ETF1: variants seen among roughly 807,000 people sequenced by gnomAD.
ETF1 encodes eukaryotic peptide chain release factor subunit 1.
A neutral mutation model predicts 55.1 loss-of-function variants in ETF1; 4 were observed. The ratio of observed to expected loss-of-function variants is 0.07; its 90% CI spans 0.04 to 0.17. The LOEUF is 0.17. Ranked by LOEUF, ETF1 falls within the 10% of genes least tolerant of loss-of-function variation. The probability of loss-of-function intolerance (pLI) is 1.00; values close to 1 mark genes in which losing one functional copy is unlikely to be tolerated. For synonymous variants in ETF1, 157 were observed against 182.3 expected, an observed-to-expected ratio of 0.86 and a Z score of 1.12; for missense variants, 142 against 523.6, an observed-to-expected ratio of 0.27 and a Z score of 7.11.
In ETF1 at chr5:138,542,912, C is replaced by G; in HGVS notation, c.7G>C (p.Asp3His). 8 of 1,613,708 alleles carry G rather than the reference C, an allele frequency of 5.0e-6. No individual in the cohort carries two copies. The highest frequency in any genetic ancestry group is 6.8e-6 in the Non-Finnish European group (8 of 1,179,898). The change falls in exon 2 of 11, where the codon GAC becomes CAC. Residue 3 changes from aspartate (D) to histidine (H), a missense_variant. Transcript: ENST00000360541. ...TTCCTGTCGGCAGCACTGGGGTCGTCCGCCATCTTCTCGCCTCCTCCTCCC... is the reference window on the plus strand; with the variant it reads ...TTCCTGTCGGCAGCACTGGGGTCGTGCGCCATCTTCTCGCCTCCTCCTCCC... Reference protein sequence around the residue: MADDPSAADRNVE... With the variant: MAHDPSAADRNVE...
chr5:138,512,622 T>C (rs1764865170), intron 6 of ETF1, 142 bp downstream of exon 6: 2 of 613,670 alleles, frequency 3.3e-6, no homozygotes, highest in Non-Finnish European at 5.3e-6. Flanking sequence ...CTGATAAACA[T>C]CTGTAAACCT....
intron 6 of ETF1, chr5:138,512,020 G>A (rs35257420): frequency 0.15 from 47,296 of 307,906 alleles, 4,244 homozygotes; most frequent in South Asian, 0.26. Context: ...GCAACATGGT[G>A]AAACCCTGTC....
At chr5:138,508,850 G>T (rs371640862) in intron 9 of ETF1, 34 bp from the exon 10 acceptor site, 1 of 1,605,048 alleles carries the variant, frequency 6.2e-7, no homozygotes, top group Admixed American at 1.7e-5. Context: ...AAAAATGGGG[G>T]ATTAGGATAT....
At chr5:138,529,172 A>C (rs1765595315) in intron 2 of ETF1, among the ~76,000 whole-genome samples, 1 of 151,304 alleles carries the variant, frequency 6.6e-6, no homozygotes, top group South Asian at 2.1e-4. Context: ...CCAAACAAAC[A>C]AACAAACAAA....
chr5:138,533,246 A>T (rs1765776806), intron 2 of ETF1, among the ~76,000 whole-genome samples: 1 of 151,868 alleles, frequency 6.6e-6, no homozygotes, highest in African/African-American at 2.4e-5. Flanking sequence ...AGTGTATATA[A>T]GCATCCTGAG....
rs202025173 is a variant in ETF1 at position 138,508,718 on chromosome 5, A to G, written c.1182T>C (p.Asp394=). Residue 394 remains aspartate (D), a synonymous_variant, in exon 10 of 11, where the codon GAT becomes GAC. Transcript: ENST00000360541. ...CAAACTGAGACCCTTCTTGTGATTT[A>G]TCTGTGACAATTTCCAACGTAGCTC... is the stretch of plus-strand genomic sequence containing the variant. ...KFGATLEIVT[D]KSQEGSQFVK... 2 of 1,613,328 alleles carry G rather than the reference A, an allele frequency of 1.2e-6. No individual in the cohort carries two copies. Among genetic ancestry groups the G allele is most frequent in the East Asian group, 2.2e-5 (1 of 44,888 alleles).
intron 2 of ETF1, among the ~76,000 whole-genome samples, chr5:138,524,190 CA>C (rs112748888): frequency 0.016 from 1,206 of 74,214 alleles, 14 homozygotes; most frequent in African/African-American, 0.049. Flanking sequence ...GACTCTGTCT[CA>C]AAAAAAAAAA....
At chr5:138,525,809 G>A (rs978061963) in intron 2 of ETF1, among the ~76,000 whole-genome samples, 20 of 151,992 alleles carry the variant, frequency 1.3e-4, no homozygotes, top group African/African-American at 4.6e-4. Context: ...AGCTGGGTGT[G>A]GTGGCACACG....
rs1764601119 is a variant in ETF1 at position 138,507,527 on chromosome 5, A to G, written c.*778T>C. The G allele has an allele frequency of 6.6e-6, 1 of 152,638 alleles. No individual in the cohort carries two copies. The highest frequency in any genetic ancestry group is 1.5e-5 in the Non-Finnish European group (1 of 68,044). 9.5% of individuals were successfully genotyped at this position (152,638 alleles called of 1,614,324 possible). ...TATCCATCCCAAACCGGTTTCGAGTAGGTTAAGGTTATAGGGACCCTTGTC... is the reference window on the plus strand; with the variant it reads ...TATCCATCCCAAACCGGTTTCGAGTGGGTTAAGGTTATAGGGACCCTTGTC... On this transcript the variant is annotated 3_prime_UTR_variant, in exon 11 of 11. Transcript: ENST00000360541.
intron 4 of ETF1, among the ~76,000 whole-genome samples, chr5:138,515,171 T>C (rs899141531): frequency 6.6e-6 from 1 of 152,186 alleles, no homozygotes; most frequent in Non-Finnish European, 1.5e-5. Flanking sequence ...GGCTCATGCC[T>C]GCAATGGCAC....
intron 2 of ETF1, among the ~76,000 whole-genome samples, chr5:138,522,304 AC>A (rs1180896743): frequency 6.6e-6 from 1 of 152,214 alleles, no homozygotes; most frequent in East Asian, 1.9e-4. Context: ...TAATTCATCA[AC>A]AAAAAACCCA....
At chr5:138,538,252 G>C (rs1157091441) in intron 2 of ETF1, among the ~76,000 whole-genome samples, 1 of 135,430 alleles carries the variant, frequency 7.4e-6, no homozygotes, top group Non-Finnish European at 1.6e-5. Context: ...TGCAGTGGCG[G>C]AATCCCGGCT....
intron 9 of ETF1, 45 bp from the exon 10 acceptor site, chr5:138,508,861 A>G (rs770595996): frequency 6.3e-7 from 1 of 1,594,588 alleles, no homozygotes; most frequent in Admixed American, 1.7e-5. Flanking sequence ...ATTAGGATAT[A>G]TGAAGGCTAA....
chr5:138,541,720 T>C (rs936160759), intron 2 of ETF1: 1 of 1,122,562 alleles, frequency 8.9e-7, no homozygotes, highest in African/African-American at 1.7e-5. Context: ...ATTCTAAGAA[T>C]GCTCAGACAT....
intron 2 of ETF1, among the ~76,000 whole-genome samples, chr5:138,541,928 C>T (rs1160532164): frequency 6.6e-6 from 1 of 152,040 alleles, no homozygotes; most frequent in African/African-American, 2.4e-5. Context: ...ATCTAGCCTA[C>T]TCTCCCCCCA....
chr5:138,538,308 G>A (rs900048655), intron 2 of ETF1, among the ~76,000 whole-genome samples: 2 of 151,996 alleles, frequency 1.3e-5, no homozygotes, highest in Non-Finnish European at 2.9e-5. Context: ...TCCTGCCTCA[G>A]CCTCCCGAGT....
intron 3 of ETF1, 68 bp downstream of exon 3, chr5:138,518,624 T>C (rs1765117047): frequency 6.8e-6 from 9 of 1,329,526 alleles, no homozygotes; most frequent in South Asian, 5.3e-5. Context: ...CAAAGCACCA[T>C]AGCAGCATCA....
chr5:138,526,111 A>G (rs1391928841), intron 2 of ETF1, among the ~76,000 whole-genome samples: 1 of 152,156 alleles, frequency 6.6e-6, no homozygotes, highest in East Asian at 1.9e-4. Flanking sequence ...AGAACCATCT[A>G]AACTTTCCCC....
chr5:138,513,238 T>C (rs561171257), intron 5 of ETF1: 1 of 983,864 alleles, frequency 1.0e-6, no homozygotes, highest in South Asian at 4.7e-5. Context: ...GTTTTCTCTC[T>C]CTCTCTTTTT....
Sources: allele counts gnomAD v4.1 joint callset (sites outside exome capture counted in the v4.1 genomes callset), GRCh38; gene constraint gnomAD v4.1.1; transcripts MANE v1.5; gene names NCBI Gene and HGNC (gene_info 2026-07-23, HGNC 2026-07-21).